The following MFN2 variants were observed in gnomAD, a reference collection of about 807,000 sequenced individuals.
The protein encoded by MFN2 is mitofusin-2.
In MFN2, 43 loss-of-function variants were observed where a neutral mutation model predicts 87.5. The observed-to-expected ratio is 0.49, with a 90% confidence interval of 0.38 to 0.63. The LOEUF (loss-of-function observed/expected upper bound fraction) is 0.63, where lower values mean the gene tolerates loss of function less well. MFN2 is among the 30% of genes least tolerant of loss of function. The probability of loss-of-function intolerance (pLI) is 0.00; values close to 1 mark genes in which losing one functional copy is unlikely to be tolerated. For synonymous variants in MFN2, 337 were observed against 359.9 expected, an observed-to-expected ratio of 0.94 and a Z score of 0.72; for missense variants, 743 against 972.8, an observed-to-expected ratio of 0.76 and a Z score of 3.14.
In MFN2 at chr1:12,004,234, T is replaced by C. The variant is rs1639303146; in HGVS notation, c.1287+116T>C. 1.4e-6 allele frequency: 2 copies of C among 1,417,810 alleles called. No individual in the cohort carries two copies. Among genetic ancestry groups the C allele is most frequent in the Non-Finnish European group, 2.0e-6 (2 of 1,022,596 alleles). The allele number at this position is 1,417,810 out of a possible 1,614,324, so 87.8% of individuals were successfully genotyped here. A position where few individuals can be genotyped will look rare whatever the true frequency, so the allele number is the denominator to read the frequency against. On this transcript the variant is annotated intron_variant, in intron 12 of 18. Transcript: ENST00000235329. The surrounding 1 kb of genome is among the most constrained non-coding windows in gnomAD (Gnocchi z 4.2). ...GCCTTTCAGAAGAAAGTTGTGGCCC[T>C]GTTTCAAGAATACAGAGCTGCCGTT... is the stretch of plus-strand genomic sequence containing the variant.
At chr1:11,993,316 A>G (rs1569819144) in intron 4 of MFN2, among the ~76,000 whole-genome samples, 1 of 151,388 alleles carries the variant, frequency 6.6e-6, no homozygotes, top group East Asian at 2.1e-4. Flanking sequence ...TTGTGCTTGT[A>G]TTGTTCATGA....
At chr1:11,986,710 C>T (rs143044397) in intron 2 of MFN2, among the ~76,000 whole-genome samples, 3,219 of 151,850 alleles carry the variant, frequency 0.021, 108 homozygotes, top group African/African-American at 0.073. Context: ...CGTGCCTCAG[C>T]CTCCCGAGTA....
At chr1:11,998,910 C>T (rs1288900760) in intron 7 of MFN2, 32 bp downstream of exon 7, 4 of 1,613,176 alleles carry the variant, frequency 2.5e-6, no homozygotes, top group African/African-American at 2.7e-5. Context: ...CCCAAGCTCC[C>T]AGCACCCCCT....
In MFN2 at chr1:12,003,877, G is replaced by A; in HGVS notation, c.1161-115G>A. ...AGGCCATGCCCCTGGGTGCGTGTGT[G>A]CAGCCCTGCCAGGCAAGATAGCGGG... On this transcript the variant is annotated intron_variant, in intron 11 of 18. Coordinates refer to ENST00000235329, the MANE Select transcript of MFN2 (RefSeq NM_014874.4). This position sits in a 1 kb window ranked among gnomAD's most constrained non-coding sequence, Gnocchi z 4.1. 1.4e-6 allele frequency: 2 copies of A among 1,406,336 alleles called. No individual in the cohort carries two copies. The highest frequency in any genetic ancestry group is 2.0e-6 in the Non-Finnish European group (2 of 997,142). 87.1% of individuals were successfully genotyped at this position (1,406,336 alleles called of 1,614,324 possible). A position where few individuals can be genotyped will look rare whatever the true frequency, so the allele number is the denominator to read the frequency against.
chr1:12,010,184 C>T (rs931498041), intron 18 of MFN2, among the ~76,000 whole-genome samples: 5 of 152,122 alleles, frequency 3.3e-5, no homozygotes, highest in Non-Finnish European at 5.9e-5. Flanking sequence ...ATGTGTACCA[C>T]GTACCTCATG....
At chr1:11,989,745 G>C (rs534022698) in intron 3 of MFN2, among the ~76,000 whole-genome samples, 76 of 152,246 alleles carry the variant, frequency 5.0e-4, no homozygotes, top group Non-Finnish European at 8.5e-4. Flanking sequence ...TTAATACCAG[G>C]CACTGTTTGG....
chr1:12,001,781 C>T lies in MFN2; in HGVS notation c.983C>T (p.Ala328Val). 1 of 1,614,202 alleles carries T rather than the reference C, an allele frequency of 6.2e-7. No homozygotes were observed. The highest frequency in any genetic ancestry group is 8.5e-7 in the Non-Finnish European group (1 of 1,180,028). ...ACAATCCTCCTAGGGGGCGCTCTCG[C>T]AGAAGGCTTTCAAGTGAGGATGTTT... ...QGMPEGGGAL[A>V]EGFQVRMFEF... The change falls in exon 10 of 19, where the codon GCA becomes GTA. Residue 328 changes from alanine to valine, a missense_variant. This residue lies in a region of MFN2 where 571 missense variants were observed against 670.7 expected (regional missense o/e 0.85). Coordinates refer to ENST00000235329, the MANE Select transcript of MFN2 (RefSeq NM_014874.4).
At position 12,001,356 on chromosome 1, in the gene MFN2, TG is replaced by T. The variant is rs778492154; in HGVS notation, c.817-41del. On this transcript the variant is annotated intron_variant, in intron 8 of 18. Coordinates refer to ENST00000235329, the MANE Select transcript of MFN2 (RefSeq NM_014874.4). ...TAATAAAAGAGGCAGGTGGGGGCTG[TG>T]GGGCCACCTACACTCACTCTGGACA... The T allele has an allele frequency of 1.6e-5, 25 of 1,609,916 alleles. No individual in the cohort carries two copies. In the African/African-American group the frequency reaches 1.7e-4, roughly 11 times the overall value.
At chr1:12,008,413 G>T (rs1403951309) in intron 17 of MFN2, among the ~76,000 whole-genome samples, 1 of 96,968 alleles carries the variant, frequency 1.0e-5, no homozygotes, top group Non-Finnish European at 2.3e-5. Flanking sequence ...GGCTGGCCGG[G>T]CGGGGGCTGA....
intron 17 of MFN2, among the ~76,000 whole-genome samples, chr1:12,008,423 AC>A (rs372992677): frequency 0.64 from 89,897 of 139,616 alleles, 27,821 homozygotes; most frequent in South Asian, 0.72. Flanking sequence ...GCGGGGGCTG[AC>A]CCCCCCCACC....
Position 12,006,682 on chromosome 1 carries a change from G to A in MFN2, c.1861G>A (p.Val621Ile), listed in dbSNP as rs1639433425. The A allele has an allele frequency of 6.2e-7, 1 of 1,609,706 alleles. No homozygotes were observed. The highest frequency in any genetic ancestry group is 8.5e-7 in the Non-Finnish European group (1 of 1,177,772). The stretch of plus-strand genomic sequence containing the variant: ...CAGGACCTCCATGGGCATTCTTGTT[G>A]TTGGAGGAGTGGTCAGTGACCAGTT... ...TSRTSMGILV[V>I]GGVVWKAVGW... Residue 621 changes from valine (V) to isoleucine (I), a missense_variant, in exon 16 of 19, where the codon GTT (valine) becomes ATT (isoleucine). Physicochemically the swap from Val to Ile is conservative, Grantham distance 29. This residue lies in a region of MFN2 where 571 missense variants were observed against 670.7 expected (regional missense o/e 0.85). Coordinates refer to ENST00000235329, the MANE Select transcript of MFN2 (RefSeq NM_014874.4).
At position 12,001,559 on chromosome 1, in the gene MFN2, T is replaced by G; in HGVS notation, c.970+5T>G. ...CCCAGGGCATGCCTGAAGGAGGTAA[T>G]GATGAGAACAGATGTCCTCCTTTTC... On this transcript the variant is annotated splice_donor_5th_base_variant and intron_variant, in intron 9 of 18. Transcript: ENST00000235329. 2 of 1,614,174 alleles carry G rather than the reference T, an allele frequency of 1.2e-6. No individual in the cohort carries two copies. The highest frequency in any genetic ancestry group is 1.7e-6 in the Non-Finnish European group (2 of 1,180,036).
intron 8 of MFN2, among the ~76,000 whole-genome samples, chr1:12,000,058 C>G (rs1424813753): frequency 6.6e-6 from 1 of 151,350 alleles, no homozygotes; most frequent in Non-Finnish European, 1.5e-5. Context: ...GATTGTGCCA[C>G]TGTACTCCAG....
intron 5 of MFN2, among the ~76,000 whole-genome samples, chr1:11,996,974 G>T (rs1638934867): frequency 6.6e-6 from 1 of 151,352 alleles, no homozygotes. Flanking sequence ...GGAGGTGGAG[G>T]TTGTGGTGAG....
At position 12,004,840 on chromosome 1, in the gene MFN2, A is replaced by G. The variant is rs776174992; in HGVS notation, c.1408A>G (p.Ile470Val). 4 of 1,613,922 alleles carry G rather than the reference A, an allele frequency of 2.5e-6. No homozygotes were observed. Among genetic ancestry groups the G allele is most frequent in the African/African-American group, 1.3e-5 (1 of 74,930 alleles). Residue 470 changes from isoleucine (I) to valine (V), a missense_variant, in exon 14 of 19, where the codon ATA becomes GTA. By Grantham distance (29) the Ile-to-Val change is conservative. This residue lies in a region of MFN2 where 571 missense variants were observed against 670.7 expected (regional missense o/e 0.85). Transcript: ENST00000235329. This position sits in a 1 kb window ranked among gnomAD's most constrained non-coding sequence, Gnocchi z 4.2. The stretch of plus-strand genomic sequence containing the variant: ...CTGGTGGCAGGAGCTGCACCGCCAC[A>G]TAGAGGAAGGACTGGGTCGAAACAT... ...KVYKNELHRH[I>V]EEGLGRNMSD...
rs368499636 is a variant in MFN2 at position 12,001,407 on chromosome 1, C to T, written c.823C>T (p.Arg275Trp). Residue 275 changes from arginine (R) to tryptophan (W), a missense_variant, in exon 9 of 19, where the codon CGG becomes TGG. Coordinates refer to ENST00000235329, the MANE Select transcript of MFN2 (RefSeq NM_014874.4). ...ACATTTGTTTGGGCTCCAGGTGCGG[C>T]GGCAGCACATGGAGCGTTGTACCAG... ...SEPEYMEEVR[R>W]QHMERCTSFL... 1.4e-5 allele frequency: 22 copies of T among 1,613,404 alleles called. No individual in the cohort carries two copies. The highest frequency in any genetic ancestry group is 2.7e-5 in the African/African-American group (2 of 74,918).
intron 17 of MFN2, among the ~76,000 whole-genome samples, chr1:12,009,187 G>A (rs577546778): frequency 7.1e-4 from 108 of 152,232 alleles, no homozygotes; most frequent in African/African-American, 2.4e-3. Context: ...GAGGGAGACC[G>A]TGGAAAGAGA....
At position 12,009,733 on chromosome 1, in the gene MFN2, C is replaced by T. The variant is rs1245417550; in HGVS notation, c.2204+7C>T. Reference sequence around the variant, plus strand: ...GCAAAGCAAAGCTGCTCAGGTGAGGCTGGCCCGTGTGGCCAAAGGTTAGGG... The same window carrying T: ...GCAAAGCAAAGCTGCTCAGGTGAGGTTGGCCCGTGTGGCCAAAGGTTAGGG... On this transcript the variant is annotated splice_region_variant and intron_variant, in intron 18 of 18. Transcript: ENST00000235329. 1 of 1,614,170 alleles carries T rather than the reference C, an allele frequency of 6.2e-7. No homozygotes were observed. The highest frequency in any genetic ancestry group is 1.1e-5 in the South Asian group (1 of 91,088).
In MFN2 at chr1:12,013,121, G is replaced by A; in HGVS notation, c.*1556G>A. 1 of 347,992 alleles carries A rather than the reference G, an allele frequency of 2.9e-6. No homozygotes were observed. The highest frequency in any genetic ancestry group is 5.6e-6 in the Non-Finnish European group (1 of 178,386). The allele number at this position is 347,992 out of a possible 1,614,324, so 21.6% of individuals were successfully genotyped here. ...TTCCCGGCGTGTGCCGGGCCTGAAT[G>A]GACAGGGGCCACTTCACAGCATGTC... On this transcript the variant is annotated 3_prime_UTR_variant, in exon 19 of 19. Transcript: ENST00000235329.
Sources: gnomAD v4.1 joint callset for allele counts (sites outside exome capture counted in the v4.1 genomes callset) on GRCh38, gnomAD v4.1.1 for gene constraint, gnomAD v4.1.1 regional missense constraint, Gnocchi (gnomAD v3.1) non-coding constraint, MANE v1.5 for transcripts, NCBI Gene and HGNC (gene_info 2026-07-23, HGNC 2026-07-21) for gene names.